The following PCDHGB2 variants were observed in gnomAD, a reference collection of about 807,000 sequenced individuals.
The protein encoded by PCDHGB2 is protocadherin gamma subfamily B, 2, also known as protocadherin gamma-B2.
A neutral mutation model predicts 59.3 loss-of-function variants in PCDHGB2; 55 were observed. The observed-to-expected ratio is 0.93, with a 90% CI of 0.75 to 1.16. The LOEUF (loss-of-function observed/expected upper bound fraction) is 1.16. PCDHGB2 is among the 50% of genes most tolerant of loss of function. The pLI is 0.00. For missense variants in PCDHGB2, 1,228 were observed against 1,198.5 expected (o/e 1.02, Z -0.36); for synonymous variants, 516 against 512.0 (o/e 1.01, Z -0.11).
At chr5:141,399,382 A>G in intron 1 of PCDHGB2, 1 of 1,614,000 alleles carries the variant, frequency 6.2e-7, no homozygotes, top group Non-Finnish European at 8.5e-7. Context: ...TGTCACCATC[A>G]CAGCCACAGA....
intron 1 of PCDHGB2, among the ~76,000 whole-genome samples, chr5:141,475,567 A>G (rs1260546062): frequency 6.6e-6 from 1 of 152,244 alleles, no homozygotes; most frequent in African/African-American, 2.4e-5. Flanking sequence ...CTGTCTTCCA[A>G]CAAGCCAGAT....
In PCDHGB2 at chr5:141,431,777, G is replaced by T. The variant is rs151011884; in HGVS notation, c.2422-63030G>T. 5,401 of 1,614,186 alleles carry T rather than the reference G, an allele frequency of 3.3e-3. 6 individuals are homozygous for T. Among genetic ancestry groups the T allele is most frequent in the Non-Finnish European group, 4.2e-3 (4,899 of 1,180,002 alleles). On this transcript the variant is annotated intron_variant, in intron 1 of 3. Coordinates refer to ENST00000522605, the MANE Select transcript of PCDHGB2 (RefSeq NM_018923.3). The surrounding 1 kb of genome is among the most constrained non-coding windows in gnomAD (Gnocchi z 4.8). ...CAAAGTCCTGATCACTGTTCTGGAC[G>T]TGAACGACAATGCCCCAGAAGTGGT...
At chr5:141,504,959 T>C (rs1297800554) in intron 2 of PCDHGB2, among the ~76,000 whole-genome samples, 2 of 152,038 alleles carry the variant, frequency 1.3e-5, no homozygotes, top group Non-Finnish European at 2.9e-5. Flanking sequence ...GTTCAATGCA[T>C]TGGACCAGCC....
At chr5:141,405,256 G>GATGTGATGCTCT (rs1316160577) in intron 1 of PCDHGB2, 2 of 1,614,050 alleles carry the variant, frequency 1.2e-6, no homozygotes, top group Non-Finnish European at 1.7e-6. Flanking sequence ...AGAGTCACCT[G>GATGTGATGCTCT]ATCTTCCCCC....
At chr5:141,510,534 C>T (rs1187165551) in intron 3 of PCDHGB2, among the ~76,000 whole-genome samples, 2 of 152,126 alleles carry the variant, frequency 1.3e-5, no homozygotes, top group African/African-American at 2.4e-5. Context: ...AGAGAAATAC[C>T]AGCGAATGTG....
chr5:141,414,472 A>G (rs1039987036), intron 1 of PCDHGB2: 1 of 1,613,914 alleles, frequency 6.2e-7, no homozygotes, highest in African/African-American at 1.3e-5. Flanking sequence ...AGATGGGGGA[A>G]GTCCTCCTCT....
At chr5:141,401,657 G>T (rs1398256315) in intron 1 of PCDHGB2, among the ~76,000 whole-genome samples, 3 of 152,204 alleles carry the variant, frequency 2.0e-5, no homozygotes, top group Non-Finnish European at 4.4e-5. Context: ...ATGACTGGAT[G>T]TTTTCTCAAC....
intron 2 of PCDHGB2, among the ~76,000 whole-genome samples, chr5:141,502,866 C>CTTTTTCTT (rs2099816520): frequency 1.6e-5 from 2 of 128,030 alleles, no homozygotes; most frequent in African/African-American, 6.2e-5. Flanking sequence ...GACTCTCTGT[C>CTTTTTCTT]TTTTTTTTTT....
chr5:141,425,890 G>A (rs943076854), intron 1 of PCDHGB2, among the ~76,000 whole-genome samples: 1 of 152,118 alleles, frequency 6.6e-6, no homozygotes, highest in Non-Finnish European at 1.5e-5. Flanking sequence ...AATCTTCTTT[G>A]GTAGTAAACA....
chr5:141,471,846 T>C (rs2099265433), intron 1 of PCDHGB2, among the ~76,000 whole-genome samples: 1 of 152,180 alleles, frequency 6.6e-6, no homozygotes. Context: ...AATAAAATAT[T>C]CAGAAAAAGC....
intron 1 of PCDHGB2, chr5:141,417,924 T>C (rs1197566429): frequency 1.9e-6 from 3 of 1,609,340 alleles, no homozygotes; most frequent in Admixed American, 1.7e-5. Flanking sequence ...CCTTTGCTGC[T>C]GCCTTTGTTC....
chr5:141,466,121 C>CA (rs908379481), intron 1 of PCDHGB2, among the ~76,000 whole-genome samples: 24 of 146,876 alleles, frequency 1.6e-4, no homozygotes, highest in East Asian at 8.0e-4. Context: ...GACTCCAGCT[C>CA]AAAAAAAAAA....
rs774649069 is a variant in PCDHGB2 at position 141,477,417 on chromosome 5, C to G, written c.2422-17390C>G. The G allele has an allele frequency of 1.2e-6, 2 of 1,614,172 alleles. No individual in the cohort carries two copies. The highest frequency in any genetic ancestry group is 2.7e-5 in the African/African-American group (2 of 75,032). On this transcript the variant is annotated intron_variant, in intron 1 of 3. Coordinates refer to ENST00000522605, the MANE Select transcript of PCDHGB2 (RefSeq NM_018923.3). The surrounding 1 kb of genome is among the most constrained non-coding windows in gnomAD (Gnocchi z 4.9). Reference sequence around the variant, plus strand: ...AGCATCACCGCCCGAGACGCCGGAACCCCTTCCCTCTCAGCCCTTACAATA... The same window carrying G: ...AGCATCACCGCCCGAGACGCCGGAAGCCCTTCCCTCTCAGCCCTTACAATA...
chr5:141,404,227 A>G, intron 1 of PCDHGB2: 3 of 1,613,818 alleles, frequency 1.9e-6, no homozygotes, highest in East Asian at 2.2e-5. Context: ...TGACTGCAAC[A>G]GACAGAGGAA....
At chr5:141,385,370 A>G (rs1165174523) in intron 1 of PCDHGB2, 1 of 1,530,088 alleles carries the variant, frequency 6.5e-7, no homozygotes, top group South Asian at 1.3e-5. Flanking sequence ...TATTTGCATG[A>G]TATTTCTCTA....
intron 1 of PCDHGB2, chr5:141,403,694 C>A (rs746395931): frequency 2.5e-6 from 4 of 1,613,878 alleles, no homozygotes; most frequent in Admixed American, 1.7e-5. Context: ...ACGGATTTAC[C>A]GAGTTAAAGT....
intron 1 of PCDHGB2, chr5:141,365,630 A>G (rs1486638134): frequency 6.2e-7 from 1 of 1,613,404 alleles, no homozygotes; most frequent in East Asian, 2.2e-5. Context: ...GCCCCTCTCT[A>G]CAGAAAGCCA....
chr5:141,434,894 C>T (rs1316284716), intron 1 of PCDHGB2, among the ~76,000 whole-genome samples: 1 of 143,118 alleles, frequency 7.0e-6, no homozygotes, highest in East Asian at 2.1e-4. Flanking sequence ...AATCCAGTCC[C>T]CTTCCCTCAT....
chr5:141,492,111 C>T (rs2154587044), intron 1 of PCDHGB2, among the ~76,000 whole-genome samples: 1 of 152,320 alleles, frequency 6.6e-6, no homozygotes, highest in South Asian at 2.1e-4. Context: ...ATTTCCTCTT[C>T]GATTTCTCCC....
Sources: allele counts gnomAD v4.1 joint callset (sites outside exome capture counted in the v4.1 genomes callset), GRCh38; gene constraint gnomAD v4.1.1; non-coding constraint Gnocchi (gnomAD v3.1); transcripts MANE v1.5; gene names NCBI Gene and HGNC (gene_info 2026-07-23, HGNC 2026-07-21).